Variants in NAV2 observed in about 807,000 individuals in gnomAD.
NAV2 encodes the protein neuron navigator 2.
A neutral mutation model predicts 223.2 loss-of-function variants in NAV2; 54 were observed. The ratio of observed to expected loss-of-function variants is 0.24; its 90% CI spans 0.19 to 0.30. The LOEUF is 0.30. NAV2 is among the 10% of genes least tolerant of loss of function. The pLI is 1.00. For synonymous variants in NAV2, 1,279 were observed against 1,239.3 expected, an observed-to-expected ratio of 1.03 and a Z score of -0.67; for missense variants, 2,806 against 3,147.5, an observed-to-expected ratio of 0.89 and a Z score of 2.60.
chr11:19,397,202 C>G (rs1450081698), intron 1 of NAV2, among the ~76,000 whole-genome samples: 1 of 152,130 alleles, frequency 6.6e-6, no homozygotes, highest in Non-Finnish European at 1.5e-5. Context: ...TTAGGGCTGT[C>G]AAAAGGATTA....
intron 1 of NAV2, among the ~76,000 whole-genome samples, chr11:19,475,033 C>T (rs939397424): frequency 1.3e-5 from 2 of 152,226 alleles, no homozygotes; most frequent in Non-Finnish European, 2.9e-5. Context: ...GGATGCCCAG[C>T]CAGCTGCTTA....
At chr11:19,471,074 T>C (rs548142603) in intron 1 of NAV2, among the ~76,000 whole-genome samples, 1 of 152,290 alleles carries the variant, frequency 6.6e-6, no homozygotes, top group East Asian at 1.9e-4. Context: ...CCCCCAGACT[T>C]ACAGCAGTAT....
chr11:19,954,622 G>A (rs2047676102), intron 10 of NAV2, among the ~76,000 whole-genome samples: 1 of 151,998 alleles, frequency 6.6e-6, no homozygotes, highest in Non-Finnish European at 1.5e-5. Flanking sequence ...CTTTATTTTT[G>A]TTTGTATTAT....
rs193061117 is a variant in NAV2, at chr11:20,017,636, A to G, written c.2769-18323A>G. On this transcript the variant is annotated intron_variant, in intron 11 of 37. Coordinates refer to ENST00000349880, the MANE Select transcript of NAV2 (RefSeq NM_145117.5). ...TCCTTTTCCTCCGCCTTATATTCTC[A>G]GTGTCCAGTCTAGTATCTGGCAAAG... Among the ~76,000 whole-genome samples, 288 of 152,228 alleles carry G rather than the reference A, an allele frequency of 1.9e-3. 1 individual carries two copies. The Middle Eastern group carries it at 0.02, about 11-fold the overall frequency.
intron 1 of NAV2, among the ~76,000 whole-genome samples, chr11:19,688,639 T>C (rs2049086651): frequency 6.6e-6 from 1 of 152,224 alleles, no homozygotes; most frequent in South Asian, 2.1e-4. Context: ...GATGGTCCCT[T>C]TGCTCTGTGC....
At chr11:19,542,524 A>T (rs978011559) in intron 1 of NAV2, among the ~76,000 whole-genome samples, 5 of 152,228 alleles carry the variant, frequency 3.3e-5, no homozygotes, top group Non-Finnish European at 7.3e-5. Context: ...TGGAGTATTT[A>T]CTAGGGGTCA....
intron 1 of NAV2, among the ~76,000 whole-genome samples, chr11:19,489,202 A>T (rs2042543355): frequency 6.6e-6 from 1 of 152,224 alleles, no homozygotes; most frequent in Non-Finnish European, 1.5e-5. Flanking sequence ...ACAAGGTCCC[A>T]GTGTCCCTTT....
Position 19,588,935 on chromosome 11 carries a change from C to A in NAV2, c.75+237908C>A, listed in dbSNP as rs150936374. On this transcript the variant is annotated intron_variant, in intron 1 of 37. Transcript: ENST00000360655. The stretch of plus-strand genomic sequence containing the variant: ...AAGGTAGTTTCATGAACTCAATGGG[C>A]AATTGGTAGATGGCTGGGGTTCTCC... Among the ~76,000 whole-genome samples the A allele has an allele frequency of 1.9e-3, 288 of 152,272 alleles. 8 individuals carry two copies. In the South Asian group the frequency reaches 0.044, roughly 23 times the overall value.
intron 1 of NAV2, among the ~76,000 whole-genome samples, chr11:19,657,773 A>G (rs1232748107): frequency 6.6e-6 from 1 of 152,188 alleles, no homozygotes; most frequent in African/African-American, 2.4e-5. Context: ...GGCATGAAGA[A>G]GAGCTCAGTC....
At chr11:19,378,567 C>T (rs1023110007) in intron 1 of NAV2, among the ~76,000 whole-genome samples, 1 of 150,406 alleles carries the variant, frequency 6.6e-6, no homozygotes, top group African/African-American at 2.5e-5. Flanking sequence ...GTCGTGATAA[C>T]AGCATCTCCT....
At chr11:19,822,735 G>C (rs1397873758) in intron 1 of NAV2, among the ~76,000 whole-genome samples, 1 of 152,172 alleles carries the variant, frequency 6.6e-6, no homozygotes, top group Non-Finnish European at 1.5e-5. Flanking sequence ...TCTGGGTCCA[G>C]ACAGGGATTT....
chr11:19,539,322 T>C (rs1163285726), intron 1 of NAV2, among the ~76,000 whole-genome samples: 1 of 152,250 alleles, frequency 6.6e-6, no homozygotes, highest in Non-Finnish European at 1.5e-5. Context: ...GAAGAAGATC[T>C]GTCCAAGAAG....
At chr11:19,515,187 A>G (rs1275208957) in intron 1 of NAV2, among the ~76,000 whole-genome samples, 1 of 152,174 alleles carries the variant, frequency 6.6e-6, no homozygotes, top group Non-Finnish European at 1.5e-5. Context: ...GGAGAATACA[A>G]ATTTTCATAT....
chr11:20,050,527 G>A (rs1438954415), intron 16 of NAV2, among the ~76,000 whole-genome samples: 3 of 150,416 alleles, frequency 2.0e-5, no homozygotes, highest in Non-Finnish European at 4.4e-5. Context: ...TTGTGGGGGA[G>A]TGATGACCTG....
intron 1 of NAV2, among the ~76,000 whole-genome samples, chr11:19,587,597 T>C (rs960634475): frequency 1.3e-5 from 2 of 152,148 alleles, no homozygotes; most frequent in Non-Finnish European, 2.9e-5. Flanking sequence ...ACTCTTATGG[T>C]CTGGGTTGAA....
chr11:19,831,394 T>A (rs1250827951), intron 1 of NAV2, among the ~76,000 whole-genome samples: 1 of 152,014 alleles, frequency 6.6e-6, no homozygotes, highest in Non-Finnish European at 1.5e-5. Flanking sequence ...AATGATCACC[T>A]TCATCATTTT....
intron 1 of NAV2, among the ~76,000 whole-genome samples, chr11:19,399,183 G>A (rs753497403): frequency 2.6e-5 from 4 of 152,164 alleles, no homozygotes; most frequent in Non-Finnish European, 5.9e-5. Flanking sequence ...TCAAAACACA[G>A]TTCTGTGTTC....
rs969351861 is a variant in NAV2 at position 19,953,041 on chromosome 11, A to G, written c.2645+3961A>G. ...TCTCTTACTAGGTTTTGATCTGTGA[A>G]GTCAATCTTCTACTCATATTCTAAA... On this transcript the variant is annotated intron_variant, in intron 10 of 37. Coordinates refer to ENST00000349880, the MANE Select transcript of NAV2 (RefSeq NM_145117.5). Among the ~76,000 whole-genome samples, 10 of 152,208 alleles carry G rather than the reference A, an allele frequency of 6.6e-5. No individual in the cohort carries two copies. The South Asian group carries it at 2.1e-3, about 32-fold the overall frequency.
In NAV2 at chr11:19,535,780, G is replaced by A. The variant is rs77661676; in HGVS notation, c.75+184753G>A. ...TTGAGAATTAAAGTTCTCAATTAAC[G>A]CCCAACAGCGTGGGGATCCATCTTC... On this transcript the variant is annotated intron_variant, in intron 1 of 37. Transcript: ENST00000360655. 6.6e-5 allele frequency among the ~76,000 whole-genome samples: 10 copies of A among 152,222 alleles called. No individual in the cohort carries two copies. In the East Asian group the frequency reaches 1.5e-3, roughly 24 times the overall value.
Sources: gnomAD v4.1 joint callset for allele counts (sites outside exome capture counted in the v4.1 genomes callset) on GRCh38, gnomAD v4.1.1 for gene constraint, MANE v1.5 for transcripts, NCBI Gene and HGNC (gene_info 2026-07-23, HGNC 2026-07-21) for gene names.